NSUN6: variants seen among roughly 807,000 people sequenced by gnomAD.
NSUN6 encodes NOP2/Sun RNA methyltransferase 6, also known as tRNA (cytosine(72)-C(5))-methyltransferase NSUN6.
In NSUN6, 64 loss-of-function variants were observed where a neutral mutation model predicts 58.0. The observed-to-expected ratio is 1.10, with a 90% CI of 0.90 to 1.36. The LOEUF (loss-of-function observed/expected upper bound fraction) is 1.36. Among genes scored for constraint, NSUN6 ranks in the 40% most tolerant of loss-of-function variants. NSUN6 has a pLI of 0.00. For missense variants in NSUN6, 701 were observed against 550.1 expected (o/e 1.27, Z -2.74); for synonymous variants, 231 against 193.9 (o/e 1.19, Z -1.59).
chr10:18,581,378 T>G (rs539355023), intron 8 of NSUN6, among the ~76,000 whole-genome samples: 1 of 152,184 alleles, frequency 6.6e-6, no homozygotes, highest in Non-Finnish European at 1.5e-5. Context: ...GCGATGAAAG[T>G]GACCTCTGGT....
chr10:18,629,174 A>C (rs911751334), intron 3 of NSUN6, among the ~76,000 whole-genome samples: 6 of 152,306 alleles, frequency 3.9e-5, no homozygotes, highest in Non-Finnish European at 7.3e-5. Flanking sequence ...AGTGAAGGAA[A>C]AATAAAATCC....
intron 8 of NSUN6, among the ~76,000 whole-genome samples, chr10:18,570,558 C>T (rs2056291223): frequency 7.7e-6 from 1 of 130,094 alleles, no homozygotes; most frequent in Non-Finnish European, 1.8e-5. Flanking sequence ...CTTTTCCATT[C>T]TCCATTCCAA....
At chr10:18,621,561 T>C (rs1162791760) in intron 3 of NSUN6, among the ~76,000 whole-genome samples, 1 of 152,162 alleles carries the variant, frequency 6.6e-6, no homozygotes, top group Non-Finnish European at 1.5e-5. Context: ...TAAAAGTTGG[T>C]GCAAGGCCAT....
chr10:18,562,406 GGAATGGAATGGA>G lies in NSUN6; in HGVS notation c.923-10447_923-10436del, dbSNP rs1334823394. ...GATAGAATAGAAGGGAATGGAGAACGGAATGGAATGGAGAATGGAATGGAATGCGGAATGGAA... is the reference window on the plus strand; with the variant it reads ...GATAGAATAGAAGGGAATGGAGAACGGAATGGAATGGAATGCGGAATGGAA... On this transcript the variant is annotated intron_variant, in intron 8 of 10. Coordinates refer to ENST00000377304, the MANE Select transcript of NSUN6 (RefSeq NM_182543.5). Among the ~76,000 whole-genome samples, 8 of 149,228 alleles carry G rather than the reference GGAATGGAATGGA, an allele frequency of 5.4e-5. 1 individual carries two copies. The East Asian group carries it at 1.4e-3, about 26-fold the overall frequency.
chr10:18,562,711 GAATGGAATGGAATGCGA>G (rs1215043413), intron 8 of NSUN6, among the ~76,000 whole-genome samples: 110 of 150,450 alleles, frequency 7.3e-4, no homozygotes, highest in African/African-American at 1.9e-3. Context: ...ATGGAATGGA[GAATGGAATGGAATGCGA>G]AATGGAATGG....
intron 8 of NSUN6, among the ~76,000 whole-genome samples, chr10:18,576,973 T>C (rs1023091762): frequency 1.3e-5 from 2 of 152,178 alleles, no homozygotes; most frequent in African/African-American, 2.4e-5. Context: ...AATTGGAGTC[T>C]CATGGGGAAT....
At chr10:18,570,391 C>A (rs2056273698) in intron 8 of NSUN6, among the ~76,000 whole-genome samples, 1 of 150,430 alleles carries the variant, frequency 6.6e-6, no homozygotes, top group Non-Finnish European at 1.5e-5. Flanking sequence ...CATTCCATAC[C>A]ATATTCCATT....
At chr10:18,652,565 TG>T (rs1234295432), upstream of NSUN6, 3 of 975,088 alleles carry the variant, frequency 3.1e-6, no homozygotes, top group Non-Finnish European at 3.6e-6. Flanking sequence ...TCATTTTCTC[TG>T]CTCTTTTTTT....
At chr10:18,612,276 A>G (rs2058264534) in intron 5 of NSUN6, among the ~76,000 whole-genome samples, 1 of 152,096 alleles carries the variant, frequency 6.6e-6, no homozygotes, top group Non-Finnish European at 1.5e-5. Context: ...TTAAAATATC[A>G]GCTGATCATG....
At chr10:18,548,513 T>G (rs1244138181) in intron 9 of NSUN6, among the ~76,000 whole-genome samples, 1 of 152,198 alleles carries the variant, frequency 6.6e-6, no homozygotes, top group Non-Finnish European at 1.5e-5. Context: ...CCATTTTTTA[T>G]GCTGAAAACT....
intron 6 of NSUN6, among the ~76,000 whole-genome samples, chr10:18,608,578 G>A (rs1162901941): frequency 1.4e-5 from 2 of 146,700 alleles, no homozygotes; most frequent in African/African-American, 5.0e-5. Flanking sequence ...GGTCAAGGCT[G>A]CAGTGAGCCA....
At chr10:18,553,557 G>C (rs945047004) in intron 8 of NSUN6, among the ~76,000 whole-genome samples, 10 of 151,646 alleles carry the variant, frequency 6.6e-5, no homozygotes, top group Non-Finnish European at 1.5e-4. Flanking sequence ...GGATGGAATG[G>C]AATGAAATGG....
chr10:18,547,968 G>A (rs997026849), intron 10 of NSUN6, 144 bp downstream of exon 10: 41 of 789,872 alleles, frequency 5.2e-5, no homozygotes, highest in Non-Finnish European at 7.9e-5. Context: ...AGTCTAAAGT[G>A]GATTTAATTA....
intron 8 of NSUN6, among the ~76,000 whole-genome samples, chr10:18,562,017 TAATGGAATGGAATGCGG>T (rs2055551343): frequency 6.9e-6 from 1 of 143,966 alleles, no homozygotes; most frequent in Non-Finnish European, 1.5e-5. Flanking sequence ...AAGGAATGGA[TAATGGAATGGAATGCGG>T]AATGGAATGG....
intron 6 of NSUN6, among the ~76,000 whole-genome samples, chr10:18,596,635 C>A (rs553093007): frequency 1.3e-5 from 2 of 152,166 alleles, no homozygotes; most frequent in East Asian, 3.9e-4. Flanking sequence ...ATAAATAACC[C>A]ATATTATTTC....
At chr10:18,658,218 C>T (rs1394397092), upstream of NSUN6, 1 of 152,158 alleles carries the variant, frequency 6.6e-6, no homozygotes, top group Non-Finnish European at 1.5e-5. Flanking sequence ...TTGAAACTTG[C>T]CTTTAATGTT....
chr10:18,634,370 A>G (rs2059139647), intron 3 of NSUN6, among the ~76,000 whole-genome samples: 1 of 152,164 alleles, frequency 6.6e-6, no homozygotes. Flanking sequence ...TTTTAGAGAC[A>G]AGAAAAGCAA....
chr10:18,637,902 C>G (rs2059270400), intron 3 of NSUN6, among the ~76,000 whole-genome samples: 1 of 152,080 alleles, frequency 6.6e-6, no homozygotes, highest in Admixed American at 6.6e-5. Context: ...AAAATGAGTA[C>G]AAATGACTGT....
chr10:18,648,912 A>G (rs2059626363), intron 1 of NSUN6, among the ~76,000 whole-genome samples: 1 of 152,192 alleles, frequency 6.6e-6, no homozygotes, highest in Non-Finnish European at 1.5e-5. Context: ...CATTATGAAC[A>G]TTTTCCAAAT....
Sources: allele counts gnomAD v4.1 joint callset (sites outside exome capture counted in the v4.1 genomes callset), GRCh38; gene constraint gnomAD v4.1.1; transcripts MANE v1.5; gene names NCBI Gene and HGNC (gene_info 2026-07-23, HGNC 2026-07-21).